TANK: variants seen among roughly 807,000 people sequenced by gnomAD.
TANK encodes the protein TRAF family member associated NFKB activator.
TANK carries 15 observed loss-of-function variants against 43.6 expected under a neutral mutation model. The observed-to-expected ratio is 0.34, with a 90% confidence interval of 0.23 to 0.53. The LOEUF is 0.53. Ranked by LOEUF, TANK falls within the 20% of genes least tolerant of loss-of-function variation. The probability of loss-of-function intolerance (pLI) is 0.94; values close to 1 mark genes in which losing one functional copy is unlikely to be tolerated. For missense variants in TANK, 417 were observed against 498.6 expected (o/e 0.84, Z 1.56); for synonymous variants, 162 against 178.2 (o/e 0.91, Z 0.73).
intron 4 of TANK, chr2:161,211,992 G>C (rs1686909572): frequency 1.1e-6 from 1 of 938,802 alleles, no homozygotes; most frequent in African/African-American, 1.8e-5. Context: ...TAATTAGAAA[G>C]GAAAATAACT....
chr2:161,198,021 A>G (rs754902986), intron 2 of TANK, among the ~76,000 whole-genome samples: 60 of 152,206 alleles, frequency 3.9e-4, no homozygotes, highest in Non-Finnish European at 6.6e-4. Context: ...TTTAAAATCT[A>G]AAGTTTCATC....
At chr2:161,221,555 T>G (rs939732197) in intron 4 of TANK, among the ~76,000 whole-genome samples, 2 of 152,116 alleles carry the variant, frequency 1.3e-5, no homozygotes, top group Non-Finnish European at 2.9e-5. Context: ...AATTAATGAT[T>G]GTTTTCAGAA....
intron 1 of TANK, among the ~76,000 whole-genome samples, chr2:161,154,483 G>C (rs1351642470): frequency 6.6e-6 from 1 of 152,164 alleles, no homozygotes; most frequent in Non-Finnish European, 1.5e-5. Flanking sequence ...AATCTGACAA[G>C]GGAGAAAGTG....
At chr2:161,181,221 G>T (rs1275930904) in intron 2 of TANK, among the ~76,000 whole-genome samples, 4 of 152,138 alleles carry the variant, frequency 2.6e-5, no homozygotes, top group African/African-American at 9.7e-5. Flanking sequence ...AGGGGTTTGA[G>T]ACCAGCCTGA....
chr2:161,205,077 C>G (rs1431306987), intron 4 of TANK: 2 of 763,116 alleles, frequency 2.6e-6, no homozygotes, highest in Non-Finnish European at 3.4e-6. Flanking sequence ...GTAATTCAAA[C>G]ACTTTGGGAG....
rs146508916 is a variant in TANK, at chr2:161,145,927, G to C, written c.-50+8864G>C. On this transcript the variant is annotated intron_variant, in intron 1 of 7. Transcript: ENST00000259075. The stretch of plus-strand genomic sequence containing the variant: ...TATCCTGAAGTGTGTTTTCCAACTT[G>C]GTTCCATTCTCCCTGTCTTTTTCAG... 2.6e-3 allele frequency among the ~76,000 whole-genome samples: 385 copies of C among 150,520 alleles called. 3 individuals carry two copies. Among genetic ancestry groups the C allele is most frequent in the Admixed American group, 5.6e-3 (86 of 15,246 alleles).
chr2:161,186,132 T>G (rs1685653712), intron 2 of TANK, among the ~76,000 whole-genome samples: 1 of 152,148 alleles, frequency 6.6e-6, no homozygotes, highest in Admixed American at 6.6e-5. Context: ...GAGGCTGCAG[T>G]GAGCTGAGAT....
At chr2:161,217,594 T>TGTGTGTGC (rs1687174362) in intron 4 of TANK, among the ~76,000 whole-genome samples, 1 of 150,084 alleles carries the variant, frequency 6.7e-6, no homozygotes, top group African/African-American at 2.4e-5. Context: ...TTTGTGTGTG[T>TGTGTGTGC]GTGTGTGTGT....
At chr2:161,184,094 G>A (rs1266819796) in intron 2 of TANK, among the ~76,000 whole-genome samples, 2 of 152,012 alleles carry the variant, frequency 1.3e-5, no homozygotes, top group Non-Finnish European at 2.9e-5. Context: ...TCAGAAGTGA[G>A]AGAGTATATG....
intron 2 of TANK, among the ~76,000 whole-genome samples, chr2:161,181,987 G>A (rs953076434): frequency 3.3e-5 from 5 of 151,966 alleles, no homozygotes; most frequent in Admixed American, 1.3e-4. Flanking sequence ...AAAAATTCTC[G>A]AACCTTGTTT....
At chr2:161,231,610 T>C in intron 7 of TANK, 59 bp downstream of exon 7, 2 of 1,393,310 alleles carry the variant, frequency 1.4e-6, no homozygotes, top group Admixed American at 1.7e-5. Flanking sequence ...TTGCCATACA[T>C]GCACAGATAT....
upstream of TANK, among the ~76,000 whole-genome samples, chr2:161,159,539 T>C (rs1684315747): frequency 6.6e-6 from 1 of 152,250 alleles, no homozygotes; most frequent in African/African-American, 2.4e-5. Context: ...ATTTAGGCTT[T>C]GACTTTTAAA....
At chr2:161,169,061 C>T (rs1282716777) in intron 1 of TANK, among the ~76,000 whole-genome samples, 1 of 152,138 alleles carries the variant, frequency 6.6e-6, no homozygotes, top group Non-Finnish European at 1.5e-5. Flanking sequence ...ATTTGCGTCA[C>T]CACGTGGGGA....
chr2:161,167,579 G>GCT (rs1344850423), intron 1 of TANK, among the ~76,000 whole-genome samples: 1 of 152,116 alleles, frequency 6.6e-6, no homozygotes, highest in South Asian at 2.1e-4. Context: ...TTGGGGGGTT[G>GCT]CTCCATTCGG....
At chr2:161,167,784 G>A (rs372114671) in intron 1 of TANK, among the ~76,000 whole-genome samples, 1 of 151,904 alleles carries the variant, frequency 6.6e-6, no homozygotes, top group Non-Finnish European at 1.5e-5. Flanking sequence ...CACCACGACC[G>A]GCTAATTTTT....
intron 1 of TANK, among the ~76,000 whole-genome samples, chr2:161,144,077 A>G (rs1683832054): frequency 6.6e-6 from 1 of 152,180 alleles, no homozygotes; most frequent in South Asian, 2.1e-4. Context: ...CATTTCTTCT[A>G]GATTTTCTAG....
chr2:161,174,207 G>T (rs989808209), intron 1 of TANK, among the ~76,000 whole-genome samples: 3 of 152,102 alleles, frequency 2.0e-5, no homozygotes, highest in Non-Finnish European at 4.4e-5. Flanking sequence ...AAATGGCTAG[G>T]AAATTGCAGA....
intron 1 of TANK, chr2:161,161,211 CT>C: frequency 6.6e-7 from 1 of 1,526,672 alleles, no homozygotes; most frequent in Non-Finnish European, 8.8e-7. Flanking sequence ...AGAGCTGTGC[CT>C]TTATTGTTAT....
intron 1 of TANK, among the ~76,000 whole-genome samples, chr2:161,170,961 TAAAAATATC>T (rs1489448578): frequency 6.6e-6 from 1 of 152,264 alleles, no homozygotes; most frequent in African/African-American, 2.4e-5. Flanking sequence ...GTGGTATAGT[TAAAAATATC>T]ATTTGCAATC....
Sources: allele counts gnomAD v4.1 joint callset (sites outside exome capture counted in the v4.1 genomes callset), GRCh38; gene constraint gnomAD v4.1.1; transcripts MANE v1.5; gene names NCBI Gene and HGNC (gene_info 2026-07-23, HGNC 2026-07-21).